PPP1R3A: variants seen among roughly 807,000 people sequenced by gnomAD.
The protein encoded by PPP1R3A is RG1.
PPP1R3A carries 29 observed loss-of-function variants against 41.7 expected under a neutral mutation model. The observed-to-expected ratio is 0.70, with a 90% confidence interval of 0.52 to 0.95. PPP1R3A has a LOEUF of 0.95. Among genes scored for constraint, PPP1R3A ranks in the 40% least tolerant of loss-of-function variants. The pLI, the probability that PPP1R3A is intolerant of heterozygous loss-of-function variation, is 0.00. For missense variants in PPP1R3A, 1,352 were observed against 1,292.4 expected (o/e 1.05, Z -0.71); for synonymous variants, 485 against 453.4 (o/e 1.07, Z -0.89).
At chr7:113,895,543 T>C (rs73716343) in intron 1 of PPP1R3A, among the ~76,000 whole-genome samples, 47,153 of 151,952 alleles carry the variant, frequency 0.31, 7,307 homozygotes, top group Admixed American at 0.39. Flanking sequence ...ATTTACTCTA[T>C]GTTTTTGTTT....
intron 1 of PPP1R3A, among the ~76,000 whole-genome samples, chr7:113,908,979 G>C (rs1367649878): frequency 6.6e-6 from 1 of 151,690 alleles, no homozygotes; most frequent in African/African-American, 2.4e-5. Context: ...ACAGACACAG[G>C]GGACGATAGA....
At chr7:113,885,145 C>T (rs969698103) in intron 1 of PPP1R3A, among the ~76,000 whole-genome samples, 10 of 152,066 alleles carry the variant, frequency 6.6e-5, no homozygotes, top group African/African-American at 2.4e-4. Context: ...CTTCCACCTC[C>T]CAGGTTCCTG....
intron 1 of PPP1R3A, among the ~76,000 whole-genome samples, chr7:113,910,990 A>C (rs1797235164): frequency 6.6e-6 from 1 of 152,144 alleles, no homozygotes; most frequent in South Asian, 2.1e-4. Flanking sequence ...CACATAAGAC[A>C]ACCATTACCT....
In PPP1R3A at chr7:113,882,244, A is replaced by G. The variant is rs1796705923; in HGVS notation, c.841+18T>C. On this transcript the variant is annotated intron_variant, in intron 2 of 3. Transcript: ENST00000284601. ...CAAAAGAGACAAATTTGGTTTTAAA[A>G]TTAATGAAGAATATTACCTGTATTC... 1 of 1,541,270 alleles carries G rather than the reference A, an allele frequency of 6.5e-7. No homozygotes were observed. The highest frequency in any genetic ancestry group is 2.3e-5 in the East Asian group (1 of 44,184).
At chr7:113,906,120 C>T (rs1040620312) in intron 1 of PPP1R3A, among the ~76,000 whole-genome samples, 26 of 151,588 alleles carry the variant, frequency 1.7e-4, no homozygotes, top group Admixed American at 3.3e-4. Context: ...TTTCTCAGTT[C>T]GATTTTTCAT....
chr7:113,895,568 T>C (rs557995233), intron 1 of PPP1R3A, among the ~76,000 whole-genome samples: 5 of 152,142 alleles, frequency 3.3e-5, no homozygotes, highest in Admixed American at 2.6e-4. Context: ...TATCAGTTAC[T>C]GCTTTATAGT....
intron 1 of PPP1R3A, among the ~76,000 whole-genome samples, chr7:113,897,053 A>G (rs775288111): frequency 1.4e-4 from 22 of 151,980 alleles, no homozygotes; most frequent in Admixed American, 2.6e-4. Flanking sequence ...TTTTCATATG[A>G]GACTTTAAAT....
At chr7:113,889,438 G>T (rs1456706472) in intron 1 of PPP1R3A, among the ~76,000 whole-genome samples, 1 of 152,108 alleles carries the variant, frequency 6.6e-6, no homozygotes, top group African/African-American at 2.4e-5. Flanking sequence ...GAAAGAAAGA[G>T]GATAAGCTTT....
rs753380860 is a variant in PPP1R3A, at chr7:113,879,026, CT to C, written c.2065del (p.Arg689GlufsTer7). On this transcript the variant is annotated frameshift_variant, in exon 4 of 4. Coordinates refer to ENST00000284601, the MANE Select transcript of PPP1R3A (RefSeq NM_002711.4). LOFTEE classifies it low-confidence loss of function (END_TRUNC). ...QTDCEDVWGK[R>X]DNTRSLKATT... ...AGCTTTCAAACTCCTCGTATTATCT[CT>C]TTTTCCCCACACGTCTTCACAATCT... 1 of 1,613,598 alleles carries C rather than the reference CT, an allele frequency of 6.2e-7. No homozygotes were observed. Among genetic ancestry groups the C allele is most frequent in the Non-Finnish European group, 8.5e-7 (1 of 1,179,768 alleles).
rs771898965 is a variant in PPP1R3A at position 113,879,801 on chromosome 7, G to A, written c.1291C>T (p.His431Tyr). The change falls in exon 4 of 4, where the codon CAT (histidine) becomes TAT (tyrosine). Residue 431 changes from histidine to tyrosine, a missense_variant. Coordinates refer to ENST00000284601, the MANE Select transcript of PPP1R3A (RefSeq NM_002711.4). ...DTSSDELVQLHTGSKEVLDDN... is the reference protein window; with the variant it reads ...DTSSDELVQLYTGSKEVLDDN... Reference sequence around the variant, plus strand: ...TCCAGGACTTCTTTGCTGCCAGTATGTAATTGCACTAGTTCATCACTACTA... The same window carrying A: ...TCCAGGACTTCTTTGCTGCCAGTATATAATTGCACTAGTTCATCACTACTA... The A allele has an allele frequency of 1.9e-6, 3 of 1,613,386 alleles. No homozygotes were observed. In the African/African-American group the frequency reaches 4.0e-5, roughly 22 times the overall value.
At chr7:113,892,709 A>G (rs1389410894) in intron 1 of PPP1R3A, among the ~76,000 whole-genome samples, 3 of 152,184 alleles carry the variant, frequency 2.0e-5, no homozygotes, top group African/African-American at 7.2e-5. Flanking sequence ...GAAAAGATGC[A>G]TTAGGTTCAG....
intron 1 of PPP1R3A, among the ~76,000 whole-genome samples, chr7:113,882,869 C>T (rs1351767703): frequency 6.6e-6 from 1 of 151,916 alleles, no homozygotes; most frequent in Non-Finnish European, 1.5e-5. Context: ...AACAAGCTAA[C>T]TAAAAAACTG....
At position 113,918,623 on chromosome 7, in the gene PPP1R3A, AT is replaced by A. The variant is rs775785897; in HGVS notation, c.373del (p.Ile125TyrfsTer25). On this transcript the variant is annotated frameshift_variant, in exon 1 of 4. Transcript: ENST00000284601. LOFTEE classifies it high-confidence loss of function. ...SKEDLMQQLQ[I>X]QKAILESTES... ...AGTTGACTCCAGTATTGCTTTCTGT[AT>A]TTGGAGTTGTTGCATAAGATCTTCT... 1 of 1,613,586 alleles carries A rather than the reference AT, an allele frequency of 6.2e-7. No homozygotes were observed. The highest frequency in any genetic ancestry group is 8.5e-7 in the Non-Finnish European group (1 of 1,179,732).
Position 113,877,792 on chromosome 7 carries a change from G to C in PPP1R3A, c.3300C>G (p.Phe1100Leu), listed in dbSNP as rs1796594295. 1.2e-6 allele frequency: 2 copies of C among 1,604,680 alleles called. No individual in the cohort carries two copies. The highest frequency in any genetic ancestry group is 1.7e-6 in the Non-Finnish European group (2 of 1,174,100). The change falls in exon 4 of 4, where the codon TTC (phenylalanine) becomes TTG (leucine). Residue 1100 changes from phenylalanine (F) to leucine (L), a missense_variant. Transcript: ENST00000284601. ...ATAGCCAGGACAATGACAAAACGTA[G>C]AATGTCAAGCCAATCATTAAGTCAT... The part of the protein sequence containing the change: ...YHYDLMIGLT[F>L]YVLSLSWLSW...
Position 113,879,987 on chromosome 7 carries a change from A to C in PPP1R3A, c.1105T>G (p.Leu369Val), listed in dbSNP as rs1320886941. The change falls in exon 4 of 4, where the codon TTG becomes GTG. Residue 369 changes from leucine (L) to valine (V), a missense_variant. Transcript: ENST00000284601. ...KQIHGEICTD[L>V]FQRSLSPSSS... ...CTTGGAGACAGAGACCTTTGGAACA[A>C]GTCAGTACATATTTCACCATGGATT... The C allele has an allele frequency of 5.0e-6, 8 of 1,613,278 alleles. No homozygotes were observed.
chr7:113,891,014 T>C (rs561381513), intron 1 of PPP1R3A, among the ~76,000 whole-genome samples: 2 of 140,882 alleles, frequency 1.4e-5, no homozygotes, highest in African/African-American at 5.4e-5. Context: ...AATCCATAAC[T>C]AGCTCCAAGT....
Position 113,879,607 on chromosome 7 carries a change from T to C in PPP1R3A, c.1485A>G (p.Ala495=), listed in dbSNP as rs1280891364. 6.2e-7 allele frequency: 1 copy of C among 1,613,340 alleles called. No homozygotes were observed. The highest frequency in any genetic ancestry group is 8.5e-7 in the Non-Finnish European group (1 of 1,179,656). ...CTTCTTCTGTTGATTCTTTGAGACA[T>C]GCCGACGTATCTGAATGGAAATCTC... is the stretch of plus-strand genomic sequence containing the variant. The part of the protein sequence containing the change: ...LRRDFHSDTS[A]CLKESTEEGS... Residue 495 remains alanine, a synonymous_variant, in exon 4 of 4, where the codon GCA becomes GCG. Transcript: ENST00000284601.
chr7:113,902,188 G>A (rs1356241466), intron 1 of PPP1R3A, among the ~76,000 whole-genome samples: 2 of 151,576 alleles, frequency 1.3e-5, no homozygotes, highest in South Asian at 4.2e-4. Flanking sequence ...TGGAGTGGAG[G>A]GGCACAATCA....
At chr7:113,900,930 A>G (rs1797051208) in intron 1 of PPP1R3A, among the ~76,000 whole-genome samples, 1 of 151,584 alleles carries the variant, frequency 6.6e-6, no homozygotes, top group Non-Finnish European at 1.5e-5. Context: ...TGATAGCTAC[A>G]ATGATTAAGT....
Sources: allele counts gnomAD v4.1 joint callset (sites outside exome capture counted in the v4.1 genomes callset), GRCh38; gene constraint gnomAD v4.1.1; transcripts MANE v1.5; gene names NCBI Gene and HGNC (gene_info 2026-07-23, HGNC 2026-07-21).